TUSC3: variants seen among roughly 807,000 people sequenced by gnomAD.
TUSC3 encodes the protein dolichyl-diphosphooligosaccharide--protein glycosyltransferase subunit TUSC3.
TUSC3 carries 45 observed loss-of-function variants against 44.8 expected under a neutral mutation model. The observed-to-expected ratio is 1.00, with a 90% confidence interval of 0.79 to 1.29. TUSC3 has a LOEUF of 1.29. Ranked by LOEUF, TUSC3 falls within the 50% of genes most tolerant of loss-of-function variation. The pLI is 0.00. For synonymous variants in TUSC3, 212 were observed against 152.9 expected (o/e 1.39, Z -2.85); for missense variants, 519 against 437.9 (o/e 1.19, Z -1.65).
chr8:15,614,994 C>G (rs1017155629), intron 1 of TUSC3, among the ~76,000 whole-genome samples: 1 of 149,132 alleles, frequency 6.7e-6, no homozygotes, highest in Non-Finnish European at 1.5e-5. Context: ...AAAGGGAACT[C>G]TTGTACACTC....
At chr8:15,597,916 A>G (rs1804135875) in intron 1 of TUSC3, among the ~76,000 whole-genome samples, 1 of 152,086 alleles carries the variant, frequency 6.6e-6, no homozygotes, top group African/African-American at 2.4e-5. Flanking sequence ...ATAATAGTAT[A>G]TAGTAAATGT....
At chr8:15,514,102 G>A (rs1007293582) in intron 2 of TUSC3, among the ~76,000 whole-genome samples, 1 of 152,182 alleles carries the variant, frequency 6.6e-6, no homozygotes, top group Non-Finnish European at 1.5e-5. Flanking sequence ...TTAACAAAGA[G>A]AGGTGCTTTC....
At chr8:15,653,653 TAAAATGCAG>T (rs1807019074) in intron 3 of TUSC3, among the ~76,000 whole-genome samples, 1 of 152,218 alleles carries the variant, frequency 6.6e-6, no homozygotes, top group Non-Finnish European at 1.5e-5. Flanking sequence ...GTTTTCATTT[TAAAATGCAG>T]AAATGTGTAA....
intron 1 of TUSC3, among the ~76,000 whole-genome samples, chr8:15,589,541 TTAA>T (rs1296490211): frequency 6.6e-6 from 1 of 152,180 alleles, no homozygotes; most frequent in Non-Finnish European, 1.5e-5. Flanking sequence ...AAATTTTAAA[TTAA>T]TGTTAAATTT....
chr8:15,482,460 G>C (rs1252075329), intron 1 of TUSC3, among the ~76,000 whole-genome samples: 1 of 152,180 alleles, frequency 6.6e-6, no homozygotes, highest in Non-Finnish European at 1.5e-5. Context: ...CCTGTTTAAA[G>C]TATGGTTTAC....
At chr8:15,583,684 C>T (rs1803474761) in intron 1 of TUSC3, among the ~76,000 whole-genome samples, 1 of 152,080 alleles carries the variant, frequency 6.6e-6, no homozygotes, top group Admixed American at 6.6e-5. Context: ...TGGAAGTGTT[C>T]ACCTTTAGTG....
chr8:15,584,321 C>T (rs1048477061), intron 1 of TUSC3, among the ~76,000 whole-genome samples: 4 of 152,112 alleles, frequency 2.6e-5, no homozygotes, highest in South Asian at 2.1e-4. Context: ...TTTCTTCCCC[C>T]GCTTTTTTGT....
upstream of TUSC3, among the ~76,000 whole-genome samples, chr8:15,538,726 G>T (rs2129131730): frequency 6.6e-6 from 1 of 152,178 alleles, no homozygotes; most frequent in East Asian, 1.9e-4. Flanking sequence ...AACCACAGTA[G>T]TATTATCAGT....
chr8:15,746,092 C>T (rs146218768), intron 8 of TUSC3, among the ~76,000 whole-genome samples: 61 of 151,890 alleles, frequency 4.0e-4, no homozygotes, highest in African/African-American at 1.4e-3. Context: ...TTTATTTCTG[C>T]GATTTCTATT....
At chr8:15,604,878 T>C (rs550008625) in intron 1 of TUSC3, among the ~76,000 whole-genome samples, 6 of 151,994 alleles carry the variant, frequency 3.9e-5, no homozygotes, top group African/African-American at 1.4e-4. Context: ...TGGTTTTATT[T>C]GTTGGGCTTA....
intron 7 of TUSC3, among the ~76,000 whole-genome samples, chr8:15,732,197 T>C (rs560711585): frequency 6.6e-6 from 1 of 152,292 alleles, no homozygotes; most frequent in Admixed American, 6.5e-5. Context: ...CTTAGTGATA[T>C]GGTTTGGCTC....
intron 3 of TUSC3, 36 bp downstream of exon 3, chr8:15,650,850 G>A: frequency 6.3e-7 from 1 of 1,579,644 alleles, no homozygotes; most frequent in South Asian, 1.1e-5. Context: ...ATTTAACATA[G>A]TTGTTTGTGG....
Position 15,623,187 on chromosome 8 carries a change from A to T in TUSC3, c.246A>T (p.Arg82=). Residue 82 remains arginine (R), a synonymous_variant, in exon 2 of 11, where the codon CGA becomes CGT. Transcript: ENST00000503731. ...GAAAATTTATAAAGGCACCACCTCG[A>T]AACTATTCCATGATTGTTATGTTCA... ...KFRKFIKAPP[R]NYSMIVMFTA... 1 of 1,613,674 alleles carries T rather than the reference A, an allele frequency of 6.2e-7. No individual in the cohort carries two copies.
intron 1 of TUSC3, among the ~76,000 whole-genome samples, chr8:15,444,929 C>T (rs1449446990): frequency 6.6e-6 from 1 of 152,170 alleles, no homozygotes. Flanking sequence ...GAGCAGAGCG[C>T]TGGTGCTGTG....
chr8:15,795,963 T>C, the TUSC3 span, among the ~76,000 whole-genome samples: 4 of 151,840 alleles, frequency 2.6e-5, no homozygotes, highest in Non-Finnish European at 5.9e-5. Flanking sequence ...AAATCAAGAG[T>C]GGTGAAGGAC....
At chr8:15,496,605 A>G (rs1224227022) in intron 2 of TUSC3, among the ~76,000 whole-genome samples, 3 of 152,158 alleles carry the variant, frequency 2.0e-5, no homozygotes, top group Non-Finnish European at 4.4e-5. Context: ...CAGCTGGGCT[A>G]TTCTGTGCCT....
chr8:15,681,812 A>T (rs10099201), intron 6 of TUSC3, among the ~76,000 whole-genome samples: 3,523 of 151,958 alleles, frequency 0.023, 132 homozygotes, highest in African/African-American at 0.08. Context: ...CACTATAAAC[A>T]TTTCTCTTAA....
At chr8:15,756,138 G>T (rs1232419960) in intron 9 of TUSC3, among the ~76,000 whole-genome samples, 2 of 152,172 alleles carry the variant, frequency 1.3e-5, no homozygotes, top group African/African-American at 4.8e-5. Flanking sequence ...GTTTAATTCT[G>T]TGTATTAGCT....
chr8:15,445,916 C>A (rs1800090226), intron 1 of TUSC3, among the ~76,000 whole-genome samples: 2 of 143,254 alleles, frequency 1.4e-5, no homozygotes, highest in Middle Eastern at 0.01. Flanking sequence ...GAGGCGCCCC[C>A]CACCTTCCGG....
Sources: allele counts gnomAD v4.1 joint callset (sites outside exome capture counted in the v4.1 genomes callset), GRCh38; gene constraint gnomAD v4.1.1; transcripts MANE v1.5; gene names NCBI Gene and HGNC (gene_info 2026-07-23, HGNC 2026-07-21).